ZNF804B: variants seen among roughly 807,000 people sequenced by gnomAD.
The protein encoded by ZNF804B is zinc finger protein 804B, also known as zinc finger 804B.
A neutral mutation model predicts 101.4 loss-of-function variants in ZNF804B; 80 were observed. The ratio of observed to expected loss-of-function variants is 0.79; its 90% confidence interval spans 0.66 to 0.95. The LOEUF is 0.95. Among genes scored for constraint, ZNF804B ranks in the 40% least tolerant of loss-of-function variants. ZNF804B has a pLI of 0.00. For missense variants in ZNF804B, 1,673 were observed against 1,561.9 expected, an observed-to-expected ratio of 1.07 and a Z score of -1.20; for synonymous variants, 622 against 558.8, an observed-to-expected ratio of 1.11 and a Z score of -1.59.
chr7:88,779,091 A>G (rs937014597), intron 1 of ZNF804B, among the ~76,000 whole-genome samples: 2 of 152,192 alleles, frequency 1.3e-5, no homozygotes, highest in Non-Finnish European at 2.9e-5. Flanking sequence ...AGATGGCAAA[A>G]AAGACTACTA....
intron 2 of ZNF804B, among the ~76,000 whole-genome samples, chr7:89,255,046 G>A (rs1435240335): frequency 3.9e-5 from 6 of 152,184 alleles, no homozygotes; most frequent in Non-Finnish European, 8.8e-5. Flanking sequence ...ACTGAGACTG[G>A]CTACTTTATA....
intron 1 of ZNF804B, among the ~76,000 whole-genome samples, chr7:89,151,268 T>C (rs1790871440): frequency 6.6e-6 from 1 of 152,078 alleles, no homozygotes; most frequent in Non-Finnish European, 1.5e-5. Flanking sequence ...ACATTTATCA[T>C]TATTAGTAAA....
intron 1 of ZNF804B, chr7:88,794,521 C>T: frequency 2.5e-6 from 4 of 1,613,678 alleles, no homozygotes; most frequent in Non-Finnish European, 3.4e-6. Context: ...CATAAAAAGC[C>T]TCATTGGAAT....
intron 1 of ZNF804B, among the ~76,000 whole-genome samples, chr7:88,893,176 A>T (rs576691226): frequency 2.6e-4 from 40 of 152,098 alleles, no homozygotes; most frequent in Admixed American, 7.9e-4. Flanking sequence ...TGCCACTTTC[A>T]GCATTTGATA....
intron 1 of ZNF804B, among the ~76,000 whole-genome samples, chr7:89,122,033 A>T (rs1025613252): frequency 6.6e-6 from 1 of 151,550 alleles, no homozygotes; most frequent in African/African-American, 2.4e-5. Flanking sequence ...GTATATGTAT[A>T]TATTAATTAT....
chr7:88,894,344 G>A (rs1792255686), intron 1 of ZNF804B, among the ~76,000 whole-genome samples: 1 of 151,826 alleles, frequency 6.6e-6, no homozygotes, highest in Non-Finnish European at 1.5e-5. Context: ...CTCCCAAGTA[G>A]CTGGGATACA....
chr7:88,980,840 C>T (rs540015477), intron 1 of ZNF804B, among the ~76,000 whole-genome samples: 2 of 152,120 alleles, frequency 1.3e-5, no homozygotes, highest in East Asian at 3.9e-4. Flanking sequence ...TCATTCAAGG[C>T]CCAAGTGCTG....
intron 1 of ZNF804B, among the ~76,000 whole-genome samples, chr7:88,839,928 A>G (rs992024498): frequency 1.3e-5 from 2 of 152,142 alleles, no homozygotes; most frequent in African/African-American, 2.4e-5. Context: ...AACTGGGACT[A>G]TTTTTAGTTT....
intron 2 of ZNF804B, among the ~76,000 whole-genome samples, chr7:89,261,112 T>A (rs1372841024): frequency 1.3e-5 from 2 of 152,198 alleles, no homozygotes; most frequent in Non-Finnish European, 2.9e-5. Context: ...AGGAGGTGAC[T>A]ATAAAATTAT....
intron 1 of ZNF804B, among the ~76,000 whole-genome samples, chr7:88,870,717 T>C (rs1791809643): frequency 6.6e-6 from 1 of 152,104 alleles, no homozygotes; most frequent in South Asian, 2.1e-4. Flanking sequence ...TCCTGACATA[T>C]TTTTTAAAAA....
rs138511884 is a variant in ZNF804B, at chr7:88,927,347, C to G, written c.108+167263C>G. ...CTCATTCTAGTAAAAGCACAAACTACTGACACTTGAAATAGCAAACAATAT... is the reference window on the plus strand; with the variant it reads ...CTCATTCTAGTAAAAGCACAAACTAGTGACACTTGAAATAGCAAACAATAT... On this transcript the variant is annotated intron_variant, in intron 1 of 3. Transcript: ENST00000333190. 1.7e-3 allele frequency among the ~76,000 whole-genome samples: 264 copies of G among 152,290 alleles called. 1 individual carries two copies. The highest frequency in any genetic ancestry group is 6.2e-3 in the African/African-American group (256 of 41,570).
At chr7:89,034,248 G>C (rs576235799) in intron 1 of ZNF804B, among the ~76,000 whole-genome samples, 3 of 152,094 alleles carry the variant, frequency 2.0e-5, no homozygotes, top group Admixed American at 2.0e-4. Context: ...TTTTTTTGAA[G>C]TTTTACATTT....
chr7:89,068,715 T>C (rs1201914851), intron 1 of ZNF804B, among the ~76,000 whole-genome samples: 1 of 152,208 alleles, frequency 6.6e-6, no homozygotes, highest in Non-Finnish European at 1.5e-5. Flanking sequence ...TAAATCTACA[T>C]TGTGAACGAG....
intron 2 of ZNF804B, among the ~76,000 whole-genome samples, chr7:89,287,445 C>T (rs1308020399): frequency 6.6e-6 from 1 of 152,166 alleles, no homozygotes; most frequent in Admixed American, 6.5e-5. Flanking sequence ...AAGTCATTTT[C>T]TGAAGGTTGT....
intron 1 of ZNF804B, among the ~76,000 whole-genome samples, chr7:88,782,676 T>C (rs564317590): frequency 6.6e-6 from 1 of 152,164 alleles, no homozygotes; most frequent in Non-Finnish European, 1.5e-5. Context: ...AGTAATTACT[T>C]ATGTTTATGC....
intron 1 of ZNF804B, among the ~76,000 whole-genome samples, chr7:89,009,049 C>T (rs974829205): frequency 6.6e-6 from 1 of 152,014 alleles, no homozygotes; most frequent in African/African-American, 2.4e-5. Context: ...AGGTACTTGC[C>T]CATTTTATCA....
Position 89,000,984 on chromosome 7 carries a change from G to T in ZNF804B, c.109-217171G>T, listed in dbSNP as rs898930524. 2.7e-5 allele frequency among the ~76,000 whole-genome samples: 4 copies of T among 146,696 alleles called. No homozygotes were observed. The Admixed American group carries it at 2.8e-4, about 10-fold the overall frequency. ...AATTTTATATAATCATATAATAAATGTACAATCTATAATTATATATAATGT... is the reference window on the plus strand; with the variant it reads ...AATTTTATATAATCATATAATAAATTTACAATCTATAATTATATATAATGT... On this transcript the variant is annotated intron_variant, in intron 1 of 3. Coordinates refer to ENST00000333190, the MANE Select transcript of ZNF804B (RefSeq NM_181646.5).
chr7:88,868,983 TA>T (rs1455338017), intron 1 of ZNF804B, among the ~76,000 whole-genome samples: 9 of 152,136 alleles, frequency 5.9e-5, no homozygotes, highest in African/African-American at 1.4e-4. Context: ...TGCTTTCTTA[TA>T]TCCACATATT....
chr7:88,946,121 G>T lies in ZNF804B; in HGVS notation c.108+186037G>T, dbSNP rs1243968343. 2.0e-5 allele frequency among the ~76,000 whole-genome samples: 3 copies of T among 151,916 alleles called. No homozygotes were observed. The South Asian group carries it at 6.2e-4, about 32-fold the overall frequency. ...TATTTCCCTGGCTAGAACTTCCAATGCTATGTTGAATAGGAGTGGTGAAAG... is the reference window on the plus strand; with the variant it reads ...TATTTCCCTGGCTAGAACTTCCAATTCTATGTTGAATAGGAGTGGTGAAAG... On this transcript the variant is annotated intron_variant, in intron 1 of 3. Transcript: ENST00000333190.
Sources: gnomAD v4.1 joint callset for allele counts (sites outside exome capture counted in the v4.1 genomes callset) on GRCh38, gnomAD v4.1.1 for gene constraint, MANE v1.5 for transcripts, NCBI Gene and HGNC (gene_info 2026-07-23, HGNC 2026-07-21) for gene names.